Variants in KCND2 observed in about 807,000 individuals in gnomAD.
The protein encoded by KCND2 is potassium voltage-gated channel subfamily D member 2, also known as A-type voltage-gated potassium channel KCND2.
Under a neutral mutation model 54.4 loss-of-function variants are expected in KCND2, and 16 were observed. That is an observed-to-expected ratio of 0.29 (90% CI 0.20 to 0.45). The LOEUF is 0.45. KCND2 is among the 20% of genes least tolerant of loss of function. The pLI is 1.00. For missense variants in KCND2, 486 were observed against 824.2 expected (o/e 0.59, Z 5.02); for synonymous variants, 317 against 310.7 (o/e 1.02, Z -0.21).
chr7:120,690,997 A>T (rs1163786239), intron 1 of KCND2, among the ~76,000 whole-genome samples: 1 of 152,224 alleles, frequency 6.6e-6, no homozygotes, highest in Non-Finnish European at 1.5e-5. Flanking sequence ...AGAAGATGAC[A>T]TTTAAGTAAA....
chr7:120,356,922 G>A (rs1245094674), intron 1 of KCND2, among the ~76,000 whole-genome samples: 1 of 152,088 alleles, frequency 6.6e-6, no homozygotes, highest in East Asian at 1.9e-4. Context: ...GGAGTGACAA[G>A]CTATGTGACC....
chr7:120,362,258 A>G (rs1800602820), intron 1 of KCND2, among the ~76,000 whole-genome samples: 1 of 152,140 alleles, frequency 6.6e-6, no homozygotes. Context: ...TCATTTTTAT[A>G]TAGCCCAACT....
At chr7:120,522,453 A>C (rs1365224242) in intron 1 of KCND2, among the ~76,000 whole-genome samples, 1 of 152,184 alleles carries the variant, frequency 6.6e-6, no homozygotes, top group Admixed American at 6.6e-5. Flanking sequence ...AGAGATATTT[A>C]AAGATCAATG....
At position 120,722,051 on chromosome 7, in the gene KCND2, C is replaced by A. The variant is rs535052513; in HGVS notation, c.1116-10852C>A. On this transcript the variant is annotated intron_variant, in intron 1 of 5. Transcript: ENST00000331113. The stretch of plus-strand genomic sequence containing the variant: ...ATCTTCCTCCATGATTGTGAGTCTT[C>A]TCCAGCCAGGTGGAACTGTGAGTCG... 5.9e-5 allele frequency among the ~76,000 whole-genome samples: 9 copies of A among 152,308 alleles called. No homozygotes were observed. In the East Asian group the frequency reaches 1.5e-3, roughly 26 times the overall value.
chr7:120,675,463 T>C (rs59826095), intron 1 of KCND2, among the ~76,000 whole-genome samples: 50,437 of 151,636 alleles, frequency 0.33, 9,468 homozygotes, highest in African/African-American at 0.48. Flanking sequence ...GGTCTCAAAC[T>C]CCTGGCCTCA....
chr7:120,552,103 T>C (rs1562871162), intron 1 of KCND2, among the ~76,000 whole-genome samples: 1 of 152,198 alleles, frequency 6.6e-6, no homozygotes, highest in Non-Finnish European at 1.5e-5. Flanking sequence ...AAGTATCTTA[T>C]AAGAATATGC....
At chr7:120,335,026 A>G (rs1279384682) in intron 1 of KCND2, among the ~76,000 whole-genome samples, 1 of 152,176 alleles carries the variant, frequency 6.6e-6, no homozygotes, top group Non-Finnish European at 1.5e-5. Context: ...TCTTACTCGC[A>G]TCCCCACTGA....
chr7:120,444,534 G>A (rs1248240519), intron 1 of KCND2, among the ~76,000 whole-genome samples: 2 of 151,870 alleles, frequency 1.3e-5, no homozygotes, highest in Non-Finnish European at 2.9e-5. Context: ...GAGTACACTG[G>A]GCTCTCAAAT....
chr7:120,573,430 C>G lies in KCND2; in HGVS notation c.1116-159473C>G, dbSNP rs773580888. Among the ~76,000 whole-genome samples the G allele has an allele frequency of 2.0e-5, 3 of 152,088 alleles. No homozygotes were observed. In the South Asian group the frequency reaches 6.2e-4, roughly 31 times the overall value. On this transcript the variant is annotated intron_variant, in intron 1 of 5. Coordinates refer to ENST00000331113, the MANE Select transcript of KCND2 (RefSeq NM_012281.3). ...AACAAATTTCCAAGTTTAGCCCATC[C>G]GAAGTTTCTATAGCACTGCAGACTG...
chr7:120,393,926 A>G (rs890239458), intron 1 of KCND2, among the ~76,000 whole-genome samples: 4 of 152,036 alleles, frequency 2.6e-5, no homozygotes, highest in African/African-American at 7.2e-5. Context: ...CACAAAACAT[A>G]TCATAAGAGA....
intron 1 of KCND2, among the ~76,000 whole-genome samples, chr7:120,654,293 T>C (rs1444827893): frequency 1.3e-5 from 2 of 152,156 alleles, no homozygotes; most frequent in Admixed American, 6.6e-5. Flanking sequence ...ACTAAACAGG[T>C]ATTCAACTGG....
chr7:120,369,888 G>A lies in KCND2; in HGVS notation c.1115+94141G>A, dbSNP rs111817615. ...GCTTGCATTTTTGTGGCAGATAGAA[G>A]ATAATCATGAACTTATACATATATC... is the stretch of plus-strand genomic sequence containing the variant. On this transcript the variant is annotated intron_variant, in intron 1 of 5. Coordinates refer to ENST00000331113, the MANE Select transcript of KCND2 (RefSeq NM_012281.3). Among the ~76,000 whole-genome samples the A allele has an allele frequency of 1.4e-3, 216 of 152,108 alleles. 1 individual carries two copies. The highest frequency in any genetic ancestry group is 5.0e-3 in the African/African-American group (207 of 41,552).
chr7:120,444,475 A>G (rs901764491), intron 1 of KCND2, among the ~76,000 whole-genome samples: 1 of 152,092 alleles, frequency 6.6e-6, no homozygotes, highest in Non-Finnish European at 1.5e-5. Context: ...GTGCCCTTAC[A>G]TCAACATCTA....
chr7:120,361,865 A>C (rs1800596833), intron 1 of KCND2, among the ~76,000 whole-genome samples: 1 of 152,094 alleles, frequency 6.6e-6, no homozygotes, highest in Non-Finnish European at 1.5e-5. Flanking sequence ...ACCATAAAGA[A>C]GTCCAGGCTA....
chr7:120,454,626 AAAG>A (rs145225263), intron 1 of KCND2, among the ~76,000 whole-genome samples: 2,647 of 152,280 alleles, frequency 0.017, 82 homozygotes, highest in African/African-American at 0.06. Context: ...TCAGATATAT[AAAG>A]AAGAGCTTGT....
At chr7:120,309,474 T>TATATATATATATATAC (rs1257702636) in intron 1 of KCND2, among the ~76,000 whole-genome samples, 13 of 113,272 alleles carry the variant, frequency 1.1e-4, no homozygotes, top group African/African-American at 4.4e-4. Flanking sequence ...TATATATATA[T>TATATATATATATATAC]ACACACACAC....
intron 1 of KCND2, among the ~76,000 whole-genome samples, chr7:120,685,133 G>A (rs1792184828): frequency 6.6e-6 from 1 of 152,042 alleles, no homozygotes; most frequent in Admixed American, 6.6e-5. Flanking sequence ...AAAAGTTTCG[G>A]GACTGCTGGT....
chr7:120,443,054 C>T (rs1383136160), intron 1 of KCND2, among the ~76,000 whole-genome samples: 1 of 151,992 alleles, frequency 6.6e-6, no homozygotes, highest in Non-Finnish European at 1.5e-5. Flanking sequence ...TGTTTCTGGG[C>T]TGGTGCCTTC....
At chr7:120,301,029 T>G (rs2116294803) in intron 1 of KCND2, among the ~76,000 whole-genome samples, 1 of 152,244 alleles carries the variant, frequency 6.6e-6, no homozygotes, top group East Asian at 1.9e-4. Flanking sequence ...AAAGTTGTAA[T>G]ACACACCTGG....
Sources: gnomAD v4.1 joint callset for allele counts (sites outside exome capture counted in the v4.1 genomes callset) on GRCh38, gnomAD v4.1.1 for gene constraint, MANE v1.5 for transcripts, NCBI Gene and HGNC (gene_info 2026-07-23, HGNC 2026-07-21) for gene names.